The following BAIAP3 variants were observed in gnomAD, a reference collection of about 807,000 sequenced individuals.
The protein encoded by BAIAP3 is BAI1 associated protein 3.
BAIAP3 carries 180 observed loss-of-function variants against 149.7 expected under a neutral mutation model. The observed-to-expected ratio is 1.20, with a 90% CI of 1.07 to 1.36. The LOEUF (loss-of-function observed/expected upper bound fraction) is 1.36, where lower values mean the gene tolerates loss of function less well. BAIAP3 is among the 40% of genes most tolerant of loss of function. The pLI, the probability that BAIAP3 is intolerant of heterozygous loss-of-function variation, is 0.00. For synonymous variants in BAIAP3, 845 were observed against 670.7 expected, an observed-to-expected ratio of 1.26 and a Z score of -4.02; for missense variants, 1,767 against 1,563.4, an observed-to-expected ratio of 1.13 and a Z score of -2.20.
Position 1,342,805 on chromosome 16 carries a change from A to C in BAIAP3, c.1152A>C (p.Ser384=). The C allele has an allele frequency of 1.2e-6, 2 of 1,612,690 alleles. No individual in the cohort carries two copies. Among genetic ancestry groups the C allele is most frequent in the Non-Finnish European group, 1.7e-6 (2 of 1,179,984 alleles). Residue 384 remains serine, a synonymous_variant, in exon 13 of 34, where the codon TCA becomes TCC. Coordinates refer to ENST00000426824, the MANE Select transcript of BAIAP3 (RefSeq NM_001199097.2). ...LLSHLLRLEH[S]AEEPNSSSWR... Reference sequence around the variant, plus strand: ...GCCATCTGCTGCGGTTGGAGCACTCAGCAGAGGAGGTAGTGGGTGCGCCTA... The same window carrying C: ...GCCATCTGCTGCGGTTGGAGCACTCCGCAGAGGAGGTAGTGGGTGCGCCTA...
Position 1,347,531 on chromosome 16 carries a change from G to A in BAIAP3, c.2824-14G>A, listed in dbSNP as rs770273407. On this transcript the variant is annotated splice_polypyrimidine_tract_variant and intron_variant, in intron 29 of 33. Transcript: ENST00000426824. ...AGCACCCAGGGGCCCCTCCTGATGC[G>A]CTTCCCCCTGCAGAGGCTGAAGGAG... 86 of 1,595,780 alleles carry A rather than the reference G, an allele frequency of 5.4e-5. No homozygotes were observed. The highest frequency in any genetic ancestry group is 3.5e-4 in the South Asian group (31 of 89,254).
At chr16:1,341,224 G>A in intron 7 of BAIAP3, 29 bp downstream of exon 7, 1 of 1,608,672 alleles carries the variant, frequency 6.2e-7, no homozygotes, top group Non-Finnish European at 8.5e-7. Flanking sequence ...GACCTCGGCT[G>A]CGCCGAGGCC....
Position 1,342,184 on chromosome 16 carries a change from C to T in BAIAP3, c.858C>T (p.Tyr286=). The T allele has an allele frequency of 6.2e-7, 1 of 1,602,666 alleles. No homozygotes were observed. The highest frequency in any genetic ancestry group is 8.5e-7 in the Non-Finnish European group (1 of 1,173,048). The change falls in exon 11 of 34, where the codon TAC becomes TAT. Residue 286 remains tyrosine, a synonymous_variant. Coordinates refer to ENST00000426824, the MANE Select transcript of BAIAP3 (RefSeq NM_001199097.2). ...EVIGLKGMGR[Y]FKQIVKSARA... is the part of the protein sequence containing the mutation. The stretch of plus-strand genomic sequence containing the variant: ...GCTCACCACCTGTGGTGGCCAGGTA[C>T]TTCAAACAGATCGTCAAGTCAGCCC...
At chr16:1,343,351 G>A (rs1005366316) in intron 14 of BAIAP3, 42 bp from the exon 15 acceptor site, 1 of 1,564,054 alleles carries the variant, frequency 6.4e-7, no homozygotes, top group Non-Finnish European at 8.7e-7. Flanking sequence ...GGCATGGCAG[G>A]GGCGGGGTTC....
rs750649755 is a variant in BAIAP3, at chr16:1,346,374, T to G, written c.2493+13T>G. On this transcript the variant is annotated intron_variant, in intron 25 of 33. Transcript: ENST00000426824. ...CCTGACCTCTAAGGTGGGTGGGGCC[T>G]GGAGACCAAGGCGTGGAGGCAGTCC... 2 of 1,610,346 alleles carry G rather than the reference T, an allele frequency of 1.2e-6. No homozygotes were observed. The highest frequency in any genetic ancestry group is 3.3e-5 in the Admixed American group (2 of 59,866).
In BAIAP3 at chr16:1,347,959, C is replaced by T; in HGVS notation, c.3091C>T (p.Gln1031Ter). ...GCATCTCTTTCCACTGGTCCGCAGC[C>T]AGAGGACCCAGGTGAAGACCCGGAC... is the stretch of plus-strand genomic sequence containing the variant. ...PPHLFPLVRSQRTQVKTRTLH... is the reference protein window; with the variant it reads ...PPHLFPLVRS The change falls in exon 32 of 34, where the codon CAG (glutamine) becomes TAG (stop). Residue 1031 changes from glutamine (Q) to a stop codon, truncating the protein, a stop_gained. Transcript: ENST00000426824. LOFTEE classifies it high-confidence loss of function. The T allele has an allele frequency of 6.2e-7, 1 of 1,611,938 alleles. No homozygotes were observed. The highest frequency in any genetic ancestry group is 8.5e-7 in the Non-Finnish European group (1 of 1,179,956).
chr16:1,344,144 G>C lies in BAIAP3; in HGVS notation c.1509G>C (p.Leu503=), dbSNP rs2034137552. 1.9e-6 allele frequency: 3 copies of C among 1,611,880 alleles called. No individual in the cohort carries two copies. The South Asian group carries it at 3.3e-5, about 18-fold the overall frequency. ...STAVHRLELL[L]KCLGKLQLFQ... ...CTGTCCACCGCCTGGAGCTGCTGCTGAAGTGGGTGCAGCGCCGCGTGTCAG... is the reference window on the plus strand; with the variant it reads ...CTGTCCACCGCCTGGAGCTGCTGCTCAAGTGGGTGCAGCGCCGCGTGTCAG... Residue 503 remains leucine, a splice_region_variant and synonymous_variant, in exon 16 of 34, where the codon CTG becomes CTC. Transcript: ENST00000426824.
At chr16:1,335,416 G>A (rs749361474) in intron 1 of BAIAP3, among the ~76,000 whole-genome samples, 2 of 152,012 alleles carry the variant, frequency 1.3e-5, no homozygotes, top group Admixed American at 6.5e-5. Flanking sequence ...GTCCCAGGGT[G>A]AGAGACTGGG....
In BAIAP3 at chr16:1,342,969, C is replaced by A. The variant is rs751074566; in HGVS notation, c.1218C>A (p.Cys406Ter). Residue 406 changes from cysteine to a stop codon, truncating the protein, a stop_gained, in exon 14 of 34, where the codon TGC (cysteine) becomes TGA (stop). Transcript: ENST00000426824. LOFTEE classifies it high-confidence loss of function. ...GCACACCAGCCGCCACCATCCTCTG[C>A]CTGCACGGAGCCCAGAGCAACCTGT... The part of the protein sequence containing the change: ...ELSTPAATIL[C>*]LHGAQSNLSP... The A allele has an allele frequency of 1.2e-6, 2 of 1,611,330 alleles. No homozygotes were observed. Among genetic ancestry groups the A allele is most frequent in the East Asian group, 4.5e-5 (2 of 44,802 alleles).
intron 20 of BAIAP3, 23 bp from the exon 21 acceptor site, chr16:1,344,946 C>G: frequency 6.2e-7 from 1 of 1,613,394 alleles, no homozygotes; most frequent in Non-Finnish European, 8.5e-7. Context: ...CTGCTGGAGG[C>G]CTGATCCTGC....
chr16:1,344,015 C>A lies in BAIAP3; in HGVS notation c.1387-7C>A, dbSNP rs1422850571. 6.2e-7 allele frequency: 1 copy of A among 1,611,882 alleles called. No homozygotes were observed. Among genetic ancestry groups the A allele is most frequent in the African/African-American group, 1.3e-5 (1 of 74,922 alleles). ...GCTGCTGGCACTGAAGGGCCCTGTC[C>A]CCACAGGAGGAGAGCCTGGCTGATA... On this transcript the variant is annotated splice_region_variant and splice_polypyrimidine_tract_variant and intron_variant, in intron 15 of 33. Transcript: ENST00000426824.
intron 5 of BAIAP3, among the ~76,000 whole-genome samples, chr16:1,340,186 C>T (rs867603874): frequency 7.0e-3 from 643 of 91,458 alleles, no homozygotes; most frequent in Middle Eastern, 0.03. Context: ...CAGGTGCACA[C>T]AGACACACGC....
rs1331630854 is a variant in BAIAP3, at chr16:1,347,693, T to C, written c.2905-8T>C. ...AGAGCCCAGCTGCGCTCACCCGCCT[T>C]TCCGCAGAGGACCCTGGAGCAGAAC... On this transcript the variant is annotated splice_polypyrimidine_tract_variant and splice_region_variant and intron_variant, in intron 30 of 33. Coordinates refer to ENST00000426824, the MANE Select transcript of BAIAP3 (RefSeq NM_001199097.2). 6.8e-6 allele frequency: 11 copies of C among 1,611,108 alleles called. No individual in the cohort carries two copies. The African/African-American group carries it at 1.3e-4, about 20-fold the overall frequency.
In BAIAP3 at chr16:1,345,012, A is replaced by C; in HGVS notation, c.1853A>C (p.Lys618Thr). The C allele has an allele frequency of 6.2e-7, 1 of 1,612,704 alleles. No individual in the cohort carries two copies. Among genetic ancestry groups the C allele is most frequent in the Non-Finnish European group, 8.5e-7 (1 of 1,180,004 alleles). Residue 618 changes from lysine (K) to threonine (T), a missense_variant, in exon 21 of 34, where the codon AAG (lysine) becomes ACG (threonine). By Grantham distance (78) the Lys-to-Thr change is moderately conservative. Coordinates refer to ENST00000426824, the MANE Select transcript of BAIAP3 (RefSeq NM_001199097.2). ...AWVLTEELSP[K>T]MTLEVASGLF... ...GTGCTGACGGAGGAGCTGAGCCCCA[A>C]GATGACCCTGGAGGTGGCCTCGGGG...
intron 1 of BAIAP3, chr16:1,334,677 G>A (rs770484994): frequency 1.3e-6 from 2 of 1,552,830 alleles, no homozygotes; most frequent in Non-Finnish European, 8.7e-7. Context: ...ACCCCGGGGA[G>A]CAGCGTTTGC....
At position 1,346,655 on chromosome 16, in the gene BAIAP3, C is replaced by T. The variant is rs374685579; in HGVS notation, c.2613C>T (p.Asn871=). 156 of 1,540,026 alleles carry T rather than the reference C, an allele frequency of 1.0e-4. No homozygotes were observed. The African/African-American group carries it at 1.5e-3, about 15-fold the overall frequency. The change falls in exon 27 of 34, where the codon AAC becomes AAT. Residue 871 remains asparagine (N), a synonymous_variant. Transcript: ENST00000426824. ...TGGATGAGAAGCTGGCCCTGCTGAA[C>T]GCCTCGCTGGTGAAGGGGAACCTGA... The part of the protein sequence containing the change: ...KYLDEKLALL[N]ASLVKGNLSR...
chr16:1,339,169 C>A lies in BAIAP3; in HGVS notation c.225C>A (p.Pro75=). The part of the protein sequence containing the change: ...GRQGLPCLEV[P]LRSGSPAPPE... ...ACCCTGGGCCCCACACACAGGTCCC[C>A]CTGCGCAGTGGCTCGCCAGCACCCC... The change falls in exon 4 of 34, where the codon CCC becomes CCA. Residue 75 remains proline (P), a synonymous_variant. Coordinates refer to ENST00000426824, the MANE Select transcript of BAIAP3 (RefSeq NM_001199097.2). 1.3e-6 allele frequency: 2 copies of A among 1,567,730 alleles called. No individual in the cohort carries two copies. The highest frequency in any genetic ancestry group is 2.4e-5 in the East Asian group (1 of 42,416).
chr16:1,344,917 A>C, intron 20 of BAIAP3, 52 bp from the exon 21 acceptor site: 1 of 1,613,532 alleles, frequency 6.2e-7, no homozygotes, highest in Non-Finnish European at 8.5e-7. Context: ...CTTGGCTAGG[A>C]CGGTCCTGGG....
At chr16:1,343,250 G>A in intron 14 of BAIAP3, 143 bp from the exon 15 acceptor site, 2 of 1,309,590 alleles carry the variant, frequency 1.5e-6, no homozygotes, top group African/African-American at 1.5e-5. Flanking sequence ...GCTAATTGGA[G>A]GGCAGGGAAA....
Sources: gnomAD v4.1 joint callset for allele counts (sites outside exome capture counted in the v4.1 genomes callset) on GRCh38, gnomAD v4.1.1 for gene constraint, MANE v1.5 for transcripts, NCBI Gene and HGNC (gene_info 2026-07-23, HGNC 2026-07-21) for gene names.